The following RNLS variants were observed in gnomAD, a reference collection of about 807,000 sequenced individuals.
The protein encoded by RNLS is renalase, FAD dependent amine oxidase.
A neutral mutation model predicts 39.8 loss-of-function variants in RNLS; 39 were observed. That is an observed-to-expected ratio of 0.98 (90% confidence interval 0.76 to 1.28). RNLS has a LOEUF of 1.28. Ranked by LOEUF, RNLS falls within the 50% of genes most tolerant of loss-of-function variation. RNLS has a pLI of 0.00. For synonymous variants in RNLS, 147 were observed against 150.7 expected (o/e 0.98, Z 0.18); for missense variants, 410 against 413.3 (o/e 0.99, Z 0.07).
intron 4 of RNLS, among the ~76,000 whole-genome samples, chr10:88,572,282 A>AC (rs1296308792): frequency 1.3e-5 from 2 of 152,242 alleles, no homozygotes; most frequent in South Asian, 2.1e-4. Flanking sequence ...AAAAGAAATT[A>AC]AACAAAGGTT....
At chr10:88,555,594 A>G (rs1848826373) in intron 4 of RNLS, among the ~76,000 whole-genome samples, 1 of 152,102 alleles carries the variant, frequency 6.6e-6, no homozygotes, top group Non-Finnish European at 1.5e-5. Flanking sequence ...TGCTGGTGCC[A>G]TGCTTGTATA....
rs1293210234 is a variant in RNLS at position 88,524,931 on chromosome 10, C to CAT, written c.526+47970_526+47971dup. 1.8e-3 allele frequency among the ~76,000 whole-genome samples: 191 copies of CAT among 104,666 alleles called. 1 individual carries two copies. Among genetic ancestry groups the CAT allele is most frequent in the East Asian group, 6.5e-3 (21 of 3,248 alleles). 68.7% of individuals were successfully genotyped at this position (104,666 alleles called of 152,430 possible). ...AGGATCATTTAAACTCCATGTATGCCATATATATATATATATGGCACACAC... is the reference window on the plus strand; with the variant it reads ...AGGATCATTTAAACTCCATGTATGCCATATATATATATATATATGGCACACAC... On this transcript the variant is annotated intron_variant, in intron 4 of 6. Transcript: ENST00000331772.
chr10:88,515,785 G>A (rs972131629), intron 4 of RNLS, among the ~76,000 whole-genome samples: 1 of 152,062 alleles, frequency 6.6e-6, no homozygotes, highest in Non-Finnish European at 1.5e-5. Flanking sequence ...TGGAGAGAGA[G>A]TGGGAGTGAA....
At chr10:88,253,978 G>A in the RNLS span, among the ~76,000 whole-genome samples, 1 of 152,290 alleles carries the variant, frequency 6.6e-6, no homozygotes, top group Non-Finnish European at 1.5e-5. Flanking sequence ...CACCACCATA[G>A]CATAAAAACA....
At chr10:88,195,626 G>T in the RNLS span, among the ~76,000 whole-genome samples, 2 of 152,144 alleles carry the variant, frequency 1.3e-5, no homozygotes, top group Non-Finnish European at 2.9e-5. Flanking sequence ...GAGCAAGAGG[G>T]TACCCAGATG....
chr10:88,276,481 T>C (rs896479290), intron 6 of RNLS, among the ~76,000 whole-genome samples: 2 of 152,188 alleles, frequency 1.3e-5, no homozygotes, highest in African/African-American at 2.4e-5. Flanking sequence ...AGAATCACAT[T>C]TGATTTTTTT....
the RNLS span, among the ~76,000 whole-genome samples, chr10:88,193,783 G>T: frequency 6.6e-6 from 1 of 152,078 alleles, no homozygotes. Flanking sequence ...TGAGGGCAAG[G>T]ACTGTGCTGT....
chr10:88,306,696 G>A (rs1167289233), intron 6 of RNLS, among the ~76,000 whole-genome samples: 2 of 151,844 alleles, frequency 1.3e-5, no homozygotes, highest in South Asian at 2.1e-4. Flanking sequence ...AGTAGCCTAC[G>A]AACCAAAAAA....
At chr10:88,219,179 A>C in the RNLS span, among the ~76,000 whole-genome samples, 2 of 152,298 alleles carry the variant, frequency 1.3e-5, no homozygotes, top group Admixed American at 1.3e-4. Context: ...TGTTGAGTAA[A>C]TGGTTACATA....
At chr10:88,275,433 A>G (rs993201345) in intron 6 of RNLS, among the ~76,000 whole-genome samples, 1 of 152,214 alleles carries the variant, frequency 6.6e-6, no homozygotes. Context: ...ACTCTTGCAC[A>G]AGGGTAAAAA....
At chr10:88,411,671 G>A (rs1007009010) in intron 4 of RNLS, among the ~76,000 whole-genome samples, 3 of 152,088 alleles carry the variant, frequency 2.0e-5, no homozygotes, top group Non-Finnish European at 2.9e-5. Flanking sequence ...GTCCCTCATG[G>A]AGAACATACC....
At chr10:88,219,946 A>G in the RNLS span, among the ~76,000 whole-genome samples, 3 of 152,258 alleles carry the variant, frequency 2.0e-5, no homozygotes, top group African/African-American at 7.2e-5. Context: ...GGAATGGGAA[A>G]CCAGGAAAAG....
intron 4 of RNLS, among the ~76,000 whole-genome samples, chr10:88,562,032 T>C (rs1274516873): frequency 6.6e-6 from 1 of 152,010 alleles, no homozygotes; most frequent in Non-Finnish European, 1.5e-5. Context: ...TTGATAAAAA[T>C]TTAAAATATC....
At chr10:88,423,300 G>C (rs2133770164) in intron 4 of RNLS, among the ~76,000 whole-genome samples, 1 of 152,270 alleles carries the variant, frequency 6.6e-6, no homozygotes, top group East Asian at 1.9e-4. Context: ...CATACAACCT[G>C]TCAGCATTTT....
At position 88,314,635 on chromosome 10, in the gene RNLS, G is replaced by T. The variant is rs760219950; in HGVS notation, c.707C>A (p.Ser236Ter). 1.9e-6 allele frequency: 3 copies of T among 1,613,092 alleles called. No individual in the cohort carries two copies. The South Asian group carries it at 3.3e-5, about 18-fold the overall frequency. Residue 236 changes from serine to a stop codon, truncating the protein, a stop_gained, in exon 6 of 7, where the codon TCA (serine) becomes TAA (stop). Transcript: ENST00000331772. LOFTEE classifies it high-confidence loss of function. ...AATCACGAGGGAAGGCCCAATTTCTGATGACTCTGTGGCATAAGAGGATCA... is the reference window on the plus strand; with the variant it reads ...AATCACGAGGGAAGGCCCAATTTCTTATGACTCTGTGGCATAAGAGGATCA... ...IDNKKRNIES[S>*]EIGPSLVIHT...
At chr10:88,528,600 C>G (rs191994137) in intron 4 of RNLS, among the ~76,000 whole-genome samples, 1 of 151,930 alleles carries the variant, frequency 6.6e-6, no homozygotes, top group Non-Finnish European at 1.5e-5. Context: ...AATCCCAGCA[C>G]TTTGGGAGGC....
chr10:88,466,828 C>T (rs184030336), intron 4 of RNLS, among the ~76,000 whole-genome samples: 33 of 152,238 alleles, frequency 2.2e-4, no homozygotes, highest in African/African-American at 5.5e-4. Context: ...AAAATAGAGA[C>T]GCAAAGAATG....
intron 5 of RNLS, among the ~76,000 whole-genome samples, chr10:88,357,681 C>T (rs1387677234): frequency 6.6e-6 from 1 of 152,096 alleles, no homozygotes; most frequent in African/African-American, 2.4e-5. Context: ...TTCCAGCTTT[C>T]CTTCCAAATA....
chr10:88,313,032 T>G (rs1445971414), intron 6 of RNLS, among the ~76,000 whole-genome samples: 1 of 152,214 alleles, frequency 6.6e-6, no homozygotes, highest in Non-Finnish European at 1.5e-5. Flanking sequence ...TATAGTGAGA[T>G]AATTTCAACA....
Sources: gnomAD v4.1 joint callset for allele counts (sites outside exome capture counted in the v4.1 genomes callset) on GRCh38, gnomAD v4.1.1 for gene constraint, MANE v1.5 for transcripts, NCBI Gene and HGNC (gene_info 2026-07-23, HGNC 2026-07-21) for gene names.